SLC24A2: variants seen among roughly 807,000 people sequenced by gnomAD.
SLC24A2 encodes the protein solute carrier family 24 member 2, also known as sodium/potassium/calcium exchanger 2.
Under a neutral mutation model 62.0 loss-of-function variants are expected in SLC24A2, and 36 were observed. That is an observed-to-expected ratio of 0.58 (90% CI 0.44 to 0.77). The LOEUF (loss-of-function observed/expected upper bound fraction) is 0.77, where lower values mean the gene tolerates loss of function less well. Ranked by LOEUF, SLC24A2 falls within the 30% of genes least tolerant of loss-of-function variation. The pLI is 0.00. For missense variants in SLC24A2, 846 were observed against 817.9 expected, an observed-to-expected ratio of 1.03 and a Z score of -0.42; for synonymous variants, 358 against 294.0, an observed-to-expected ratio of 1.22 and a Z score of -2.23.
At chr9:19,759,279 C>A (rs561712079) in intron 2 of SLC24A2, among the ~76,000 whole-genome samples, 17 of 152,286 alleles carry the variant, frequency 1.1e-4, no homozygotes, top group Non-Finnish European at 1.9e-4. Context: ...CTGGGTTTCT[C>A]AGTATTGGTG....
chr9:19,781,024 A>G (rs1460099196), intron 2 of SLC24A2, among the ~76,000 whole-genome samples: 2 of 152,292 alleles, frequency 1.3e-5, no homozygotes, highest in South Asian at 2.1e-4. Flanking sequence ...ACATGATGAA[A>G]AAGAATCCAA....
At chr9:20,199,001 G>A in the SLC24A2 span, among the ~76,000 whole-genome samples, 8 of 152,154 alleles carry the variant, frequency 5.3e-5, no homozygotes, top group East Asian at 5.8e-4. Flanking sequence ...TTTTTTGGAT[G>A]GTGCAGGAAA....
chr9:19,509,889 G>A lies in SLC24A2; in HGVS notation c.*6264C>T, dbSNP rs940371222. On this transcript the variant is annotated 3_prime_UTR_variant, in exon 11 of 11. Transcript: ENST00000341998. ...ATTCCCATCCTTTTGGTGAACCCTG[G>A]CCCATGAGATCAATCAGTAGCTTTA... 6.7e-6 allele frequency: 1 copy of A among 150,220 alleles called. No individual in the cohort carries two copies. Among genetic ancestry groups the A allele is most frequent in the African/African-American group, 2.4e-5 (1 of 41,334 alleles). 9.3% of individuals were successfully genotyped at this position (150,220 alleles called of 1,614,324 possible). A position where few individuals can be genotyped will look rare whatever the true frequency, so the allele number is the denominator to read the frequency against.
the SLC24A2 span, among the ~76,000 whole-genome samples, chr9:19,993,032 C>G: frequency 6.6e-6 from 1 of 152,072 alleles, no homozygotes; most frequent in Non-Finnish European, 1.5e-5. Flanking sequence ...AACCTTAACC[C>G]ATAGAGAGAA....
chr9:19,636,386 T>C (rs959591491), intron 2 of SLC24A2, among the ~76,000 whole-genome samples: 1,130 of 23,046 alleles, frequency 0.049, 101 homozygotes, highest in African/African-American at 0.12. Flanking sequence ...TTTCTTTCTT[T>C]CTCCCTCTCT....
intron 2 of SLC24A2, among the ~76,000 whole-genome samples, chr9:19,694,386 T>G (rs1272566986): frequency 6.6e-6 from 1 of 151,846 alleles, no homozygotes; most frequent in East Asian, 1.9e-4. Context: ...TCTCTAATAT[T>G]TTTTCTAAAT....
chr9:20,154,938 G>C, the SLC24A2 span, among the ~76,000 whole-genome samples: 1 of 151,612 alleles, frequency 6.6e-6, no homozygotes, highest in East Asian at 2.0e-4. Context: ...AGAGGGGTAA[G>C]GAAATTCTCC....
chr9:19,590,007 G>T (rs147445077), intron 5 of SLC24A2, among the ~76,000 whole-genome samples: 10 of 152,094 alleles, frequency 6.6e-5, no homozygotes, highest in African/African-American at 2.4e-4. Context: ...TCCTATGCTG[G>T]GCTGAACTCT....
intron 2 of SLC24A2, among the ~76,000 whole-genome samples, chr9:19,698,195 G>A (rs1312594685): frequency 2.6e-5 from 4 of 152,108 alleles, no homozygotes; most frequent in South Asian, 4.1e-4. Context: ...CGGACATGAT[G>A]CCATAGATGA....
the SLC24A2 span, among the ~76,000 whole-genome samples, chr9:20,104,275 G>C: frequency 6.6e-6 from 1 of 152,222 alleles, no homozygotes; most frequent in Non-Finnish European, 1.5e-5. Flanking sequence ...AAAACACTCT[G>C]CTAGATATTA....
At chr9:20,088,833 G>A in the SLC24A2 span, among the ~76,000 whole-genome samples, 3 of 151,114 alleles carry the variant, frequency 2.0e-5, no homozygotes, top group African/African-American at 4.9e-5. Context: ...TAATTCCCTG[G>A]AACAGAGCTC....
chr9:19,573,254 G>C, intron 7 of SLC24A2, 97 bp downstream of exon 7: 2 of 834,874 alleles, frequency 2.4e-6, no homozygotes, highest in South Asian at 1.4e-5. Context: ...GCCCAGCTGA[G>C]AGCTGGGGCT....
the SLC24A2 span, among the ~76,000 whole-genome samples, chr9:20,236,260 A>G: frequency 0.074 from 11,295 of 152,324 alleles, 529 homozygotes; most frequent in Middle Eastern, 0.12. Context: ...ATAGGAAAGC[A>G]TGGCACCCTG....
the SLC24A2 span, among the ~76,000 whole-genome samples, chr9:20,021,087 G>A: frequency 2.0e-5 from 3 of 152,068 alleles, no homozygotes; most frequent in Non-Finnish European, 4.4e-5. Flanking sequence ...TTATACATGT[G>A]TACACACATA....
At chr9:20,078,800 G>C in the SLC24A2 span, among the ~76,000 whole-genome samples, 1 of 152,102 alleles carries the variant, frequency 6.6e-6, no homozygotes, top group African/African-American at 2.4e-5. Context: ...TCATCAAAAA[G>C]CATTCCCTAT....
the SLC24A2 span, among the ~76,000 whole-genome samples, chr9:20,186,934 G>C: frequency 2.0e-5 from 3 of 152,112 alleles, no homozygotes; most frequent in Admixed American, 6.5e-5. Flanking sequence ...TGGGAGTGGA[G>C]CATGGGGATC....
At chr9:19,561,436 C>CTTTTTTTTTTT (rs10641024) in intron 7 of SLC24A2, among the ~76,000 whole-genome samples, 2 of 138,206 alleles carry the variant, frequency 1.4e-5, no homozygotes, top group African/African-American at 5.4e-5. Flanking sequence ...GGAAAACAGA[C>CTTTTTTTTTTT]TTTTTTTTTT....
chr9:20,222,289 G>T, the SLC24A2 span, among the ~76,000 whole-genome samples: 18 of 151,744 alleles, frequency 1.2e-4, no homozygotes, highest in Non-Finnish European at 1.5e-5. Flanking sequence ...AAAAAAATAA[G>T]CAAGAAAAAA....
chr9:19,820,747 A>C, the SLC24A2 span, among the ~76,000 whole-genome samples: 4 of 151,548 alleles, frequency 2.6e-5, no homozygotes, highest in African/African-American at 9.7e-5. Context: ...TGTACAGGGG[A>C]TTACATTGCT....
Sources: allele counts gnomAD v4.1 joint callset (sites outside exome capture counted in the v4.1 genomes callset), GRCh38; gene constraint gnomAD v4.1.1; transcripts MANE v1.5; gene names NCBI Gene and HGNC (gene_info 2026-07-23, HGNC 2026-07-21).